Variants in SLIT2 observed in about 807,000 individuals in gnomAD.
SLIT2 encodes the protein slit guidance ligand 2.
Under a neutral mutation model 185.7 loss-of-function variants are expected in SLIT2, and 41 were observed. That is an observed-to-expected ratio of 0.22 (90% confidence interval 0.17 to 0.29). The LOEUF is 0.29. SLIT2 is among the 10% of genes least tolerant of loss of function. The probability of loss-of-function intolerance (pLI) is 1.00; values close to 1 mark genes in which losing one functional copy is unlikely to be tolerated. For missense variants in SLIT2, 1,571 were observed against 1,909.0 expected, an observed-to-expected ratio of 0.82 and a Z score of 3.30; for synonymous variants, 693 against 680.2, an observed-to-expected ratio of 1.02 and a Z score of -0.29.
intron 4 of SLIT2, among the ~76,000 whole-genome samples, chr4:20,291,447 C>CTTATATAT (rs1445810616): frequency 4.0e-5 from 2 of 50,260 alleles, no homozygotes; most frequent in African/African-American, 1.5e-4. Flanking sequence ...TAAGAAACCT[C>CTTATATAT]ATATATATAT....
At chr4:20,366,307 T>TG (rs1723113964) in intron 4 of SLIT2, among the ~76,000 whole-genome samples, 1 of 152,154 alleles carries the variant, frequency 6.6e-6, no homozygotes, top group South Asian at 2.1e-4. Flanking sequence ...TCACAGCTCT[T>TG]AGCTTACCTG....
chr4:20,577,576 A>C (rs1726180489), intron 29 of SLIT2, among the ~76,000 whole-genome samples: 1 of 152,302 alleles, frequency 6.6e-6, no homozygotes, highest in Middle Eastern at 3.4e-3. Context: ...AACCTTGAGT[A>C]TGTAACAAAT....
At chr4:20,509,146 C>T (rs1475707718) in intron 9 of SLIT2, among the ~76,000 whole-genome samples, 1 of 151,052 alleles carries the variant, frequency 6.6e-6, no homozygotes, top group Non-Finnish European at 1.5e-5. Context: ...TAAATATATA[C>T]ACATATGTAT....
intron 29 of SLIT2, among the ~76,000 whole-genome samples, chr4:20,583,163 A>G (rs1726745528): frequency 6.6e-6 from 1 of 152,226 alleles, no homozygotes; most frequent in African/African-American, 2.4e-5. Flanking sequence ...CTGAATTAAT[A>G]TCTTTCTCCT....
intron 4 of SLIT2, among the ~76,000 whole-genome samples, chr4:20,300,236 T>A (rs963227284): frequency 6.6e-6 from 1 of 152,154 alleles, no homozygotes; most frequent in Non-Finnish European, 1.5e-5. Context: ...GTTCAAGGTC[T>A]ACCACAATGA....
At chr4:20,557,828 A>G (rs1724389210) in intron 26 of SLIT2, among the ~76,000 whole-genome samples, 1 of 152,052 alleles carries the variant, frequency 6.6e-6, no homozygotes, top group South Asian at 2.1e-4. Context: ...ATGGGAGGAG[A>G]GCAAAATATC....
chr4:20,344,705 A>G (rs901252699), intron 4 of SLIT2, among the ~76,000 whole-genome samples: 2 of 152,116 alleles, frequency 1.3e-5, no homozygotes, highest in African/African-American at 4.8e-5. Context: ...TGCTTTGTGA[A>G]TGGTCACTGT....
intron 9 of SLIT2, among the ~76,000 whole-genome samples, chr4:20,506,703 T>C (rs1469490126): frequency 6.6e-6 from 1 of 152,088 alleles, no homozygotes; most frequent in African/African-American, 2.4e-5. Context: ...GACCCAAAAG[T>C]TTGCAATAAG....
chr4:20,279,100 A>T (rs887508283), intron 4 of SLIT2, among the ~76,000 whole-genome samples: 8 of 152,234 alleles, frequency 5.3e-5, no homozygotes, highest in South Asian at 2.1e-4. Flanking sequence ...CTTAAAAAAA[A>T]TAGGAATAAC....
intron 25 of SLIT2, 53 bp downstream of exon 25, chr4:20,550,951 T>A: frequency 1.0e-6 from 1 of 978,472 alleles, no homozygotes; most frequent in Non-Finnish European, 1.6e-6. Flanking sequence ...TCCTAATGAG[T>A]GACTTGGAAC....
chr4:20,582,768 T>A (rs1478931492), intron 29 of SLIT2, among the ~76,000 whole-genome samples: 2 of 152,226 alleles, frequency 1.3e-5, no homozygotes, highest in African/African-American at 4.8e-5. Context: ...CACTTGACAG[T>A]TTCTCTTGGG....
rs1318974566 is a variant in SLIT2 at position 20,596,479 on chromosome 4, G to A, written c.3385G>A (p.Asp1129Asn). The A allele has an allele frequency of 1.2e-6, 2 of 1,613,936 alleles. No individual in the cohort carries two copies. The highest frequency in any genetic ancestry group is 1.7e-5 in the Admixed American group (1 of 60,014). The change falls in exon 32 of 37, where the codon GAT becomes AAT. Residue 1129 changes from aspartate to asparagine, a missense_variant. By Grantham distance (23) the Asp-to-Asn change is conservative. This residue lies in a region of SLIT2 where 1,202 missense variants were observed against 1,416.4 expected (regional missense o/e 0.85). Transcript: ENST00000504154. Reference protein sequence around the residue: ...LPRTSPCDNFDCQNGAQCIVR... With the variant: ...LPRTSPCDNFNCQNGAQCIVR... ...TCGTACCAGCCCCTGTGATAATTTT[G>A]ATTGTCAGAATGGAGCTCAGTGTAT...
At chr4:20,258,574 A>G (rs1397069971) in intron 3 of SLIT2, among the ~76,000 whole-genome samples, 2 of 151,776 alleles carry the variant, frequency 1.3e-5, no homozygotes, top group African/African-American at 4.8e-5. Flanking sequence ...TCCCAAGAAG[A>G]TTAAATGTAG....
rs530178571 is a variant in SLIT2, at chr4:20,519,923, A to T, written c.1130+470A>T. On this transcript the variant is annotated intron_variant, in intron 12 of 36. Coordinates refer to ENST00000504154, the MANE Select transcript of SLIT2 (RefSeq NM_004787.4). ...GTGGTGGGCCCCTGTAGTCCCAGCT[A>T]CTCAGGAGGCTGAGGCAGGAGAATG... 1.5e-4 allele frequency among the ~76,000 whole-genome samples: 22 copies of T among 150,690 alleles called. No individual in the cohort carries two copies. In the South Asian group the frequency reaches 4.7e-3, roughly 32 times the overall value.
chr4:20,302,099 A>G (rs1717104209), intron 4 of SLIT2, among the ~76,000 whole-genome samples: 4 of 152,234 alleles, frequency 2.6e-5, no homozygotes. Context: ...AGAAACGAAG[A>G]TTAATTTTTT....
intron 30 of SLIT2, among the ~76,000 whole-genome samples, chr4:20,593,243 A>G (rs780685015): frequency 1.3e-5 from 2 of 152,144 alleles, no homozygotes; most frequent in African/African-American, 2.4e-5. Flanking sequence ...TTACAGATGG[A>G]TGCGTTTAAT....
intron 29 of SLIT2, among the ~76,000 whole-genome samples, chr4:20,573,683 C>T (rs1725823920): frequency 2.0e-5 from 3 of 151,896 alleles, no homozygotes; most frequent in Admixed American, 6.6e-5. Flanking sequence ...TAAGACTGTT[C>T]CCATAACTTT....
At chr4:20,404,881 T>C (rs774048438) in intron 4 of SLIT2, among the ~76,000 whole-genome samples, 2 of 152,030 alleles carry the variant, frequency 1.3e-5, no homozygotes, top group Non-Finnish European at 2.9e-5. Flanking sequence ...TCCAGATGAC[T>C]AGAAATAGCA....
chr4:20,275,872 C>T (rs537591690), intron 4 of SLIT2, among the ~76,000 whole-genome samples: 1 of 151,856 alleles, frequency 6.6e-6, no homozygotes, highest in Non-Finnish European at 1.5e-5. Flanking sequence ...TTCTGAATGA[C>T]AAATGAAGGA....
Sources: allele counts gnomAD v4.1 joint callset (sites outside exome capture counted in the v4.1 genomes callset), GRCh38; gene constraint gnomAD v4.1.1; regional missense constraint gnomAD v4.1.1; transcripts MANE v1.5; gene names NCBI Gene and HGNC (gene_info 2026-07-23, HGNC 2026-07-21).